RAD18: variants seen among roughly 807,000 people sequenced by gnomAD.
RAD18 encodes RAD18 E3 ubiquitin protein ligase.
Under a neutral mutation model 60.4 loss-of-function variants are expected in RAD18, and 47 were observed. That is an observed-to-expected ratio of 0.78 (90% CI 0.62 to 0.99). The LOEUF (loss-of-function observed/expected upper bound fraction) is 0.99. Ranked by LOEUF, RAD18 falls within the 50% of genes least tolerant of loss-of-function variation. The probability of loss-of-function intolerance (pLI) is 0.00; values close to 1 mark genes in which losing one functional copy is unlikely to be tolerated. For missense variants in RAD18, 640 were observed against 593.3 expected, an observed-to-expected ratio of 1.08 and a Z score of -0.82; for synonymous variants, 225 against 195.5, an observed-to-expected ratio of 1.15 and a Z score of -1.26.
intron 4 of RAD18, among the ~76,000 whole-genome samples, chr3:8,944,282 A>G (rs1431980935): frequency 1.3e-5 from 2 of 152,190 alleles, no homozygotes; most frequent in Middle Eastern, 3.2e-3. Flanking sequence ...TCTGTTAAAG[A>G]AACAGAAGCT....
intron 7 of RAD18, among the ~76,000 whole-genome samples, chr3:8,916,749 T>C (rs967078708): frequency 2.6e-5 from 4 of 151,488 alleles, no homozygotes; most frequent in African/African-American, 9.7e-5. Context: ...AAGGAAAGAA[T>C]CAGTGAACCT....
At chr3:8,902,655 C>G (rs1421171683) in intron 9 of RAD18, 135 bp from the exon 10 acceptor site, 2 of 837,374 alleles carry the variant, frequency 2.4e-6, no homozygotes, top group African/African-American at 1.8e-5. Flanking sequence ...ACTTCAGGAG[C>G]CTGAAGTGAA....
At chr3:8,948,431 C>A in intron 3 of RAD18, 78 bp downstream of exon 3, 1 of 1,291,948 alleles carries the variant, frequency 7.7e-7, no homozygotes, top group Non-Finnish European at 1.1e-6. Flanking sequence ...CCTATATATA[C>A]ACAGGCTTTT....
intron 4 of RAD18, among the ~76,000 whole-genome samples, chr3:8,943,641 A>T (rs147965554): frequency 0.013 from 1,992 of 152,200 alleles, 19 homozygotes; most frequent in Non-Finnish European, 0.02. Context: ...AGAATTTTCA[A>T]ATCTGATAGA....
chr3:8,933,652 C>A (rs577503892), intron 7 of RAD18, among the ~76,000 whole-genome samples: 22 of 152,218 alleles, frequency 1.4e-4, no homozygotes, highest in Non-Finnish European at 2.5e-4. Context: ...ATGTGTGAGA[C>A]CTTCACACTG....
chr3:8,879,413 C>G lies in RAD18; in HGVS notation c.*1944G>C, dbSNP rs915860719. ...AGTCATGTGCACACAGAGAAAAGAC[C>G]ATGCAAGGACACCATGAGTGGAAGC... On this transcript the variant is annotated 3_prime_UTR_variant, in exon 13 of 13. Transcript: ENST00000264926. 8 of 152,256 alleles carry G rather than the reference C, an allele frequency of 5.3e-5. No individual in the cohort carries two copies. Among genetic ancestry groups the G allele is most frequent in the African/African-American group, 1.9e-4 (8 of 41,450 alleles). The allele number at this position is 152,256 out of a possible 1,614,324, so 9.4% of individuals were successfully genotyped here. A position where few individuals can be genotyped will look rare whatever the true frequency, so the allele number is the denominator to read the frequency against.
intron 12 of RAD18, among the ~76,000 whole-genome samples, chr3:8,882,409 C>T (rs1377031526): frequency 2.0e-5 from 3 of 152,162 alleles, no homozygotes; most frequent in East Asian, 1.9e-4. Context: ...AGCTGATGAC[C>T]TTACACTGAC....
chr3:8,937,281 CTG>C (rs1157724316), intron 6 of RAD18, among the ~76,000 whole-genome samples: 1 of 152,148 alleles, frequency 6.6e-6, no homozygotes, highest in African/African-American at 2.4e-5. Context: ...GATGATTAAA[CTG>C]TGACTGTGAA....
chr3:8,889,851 T>G (rs1391241465), intron 12 of RAD18, among the ~76,000 whole-genome samples: 2 of 152,194 alleles, frequency 1.3e-5, no homozygotes, highest in Non-Finnish European at 2.9e-5. Context: ...GATTTGCATT[T>G]TGAAAAGATC....
chr3:8,922,652 T>A (rs1326182584), intron 7 of RAD18, among the ~76,000 whole-genome samples: 1 of 152,134 alleles, frequency 6.6e-6, no homozygotes, highest in African/African-American at 2.4e-5. Flanking sequence ...GTAGCCTAAC[T>A]GGGAGGCACC....
intron 9 of RAD18, among the ~76,000 whole-genome samples, chr3:8,907,259 G>A (rs1282504752): frequency 6.6e-6 from 1 of 152,186 alleles, no homozygotes; most frequent in Non-Finnish European, 1.5e-5. Flanking sequence ...CTTGAAAATT[G>A]CTATTTCATA....
rs77585226 is a variant in RAD18, at chr3:8,942,198, C to T, written c.267-394G>A. On this transcript the variant is annotated intron_variant, in intron 4 of 12. Coordinates refer to ENST00000264926, the MANE Select transcript of RAD18 (RefSeq NM_020165.4). The stretch of plus-strand genomic sequence containing the variant: ...GTGGAAGGTGACTGGATCATGAGGG[C>T]GAATTTCTCATGAATGGTTTAGCAC... Among the ~76,000 whole-genome samples the T allele has an allele frequency of 2.4e-3, 368 of 152,212 alleles. 1 individual carries two copies. The highest frequency in any genetic ancestry group is 7.9e-3 in the African/African-American group (326 of 41,528).
chr3:8,893,890 A>G (rs1939740892), intron 11 of RAD18, among the ~76,000 whole-genome samples: 1 of 151,772 alleles, frequency 6.6e-6, no homozygotes, highest in Non-Finnish European at 1.5e-5. Flanking sequence ...GCATCTCCCT[A>G]TGTTGCCCAG....
At chr3:8,928,029 T>C (rs1188706920) in intron 7 of RAD18, among the ~76,000 whole-genome samples, 1 of 144,734 alleles carries the variant, frequency 6.9e-6, no homozygotes, top group Non-Finnish European at 1.5e-5. Context: ...CTGCACGTTG[T>C]GCACATGTAC....
rs1013095670 is a variant in RAD18, at chr3:8,879,990, C to T, written c.*1367G>A. On this transcript the variant is annotated 3_prime_UTR_variant, in exon 13 of 13. Transcript: ENST00000264926. The stretch of plus-strand genomic sequence containing the variant: ...GACATAAATATATCCATGTGAGCTC[C>T]TATTTTGTTTGACATGCTCACTTAC... The T allele has an allele frequency of 6.6e-6, 1 of 152,162 alleles. No individual in the cohort carries two copies. The allele number at this position is 152,162 out of a possible 1,614,324, so 9.4% of individuals were successfully genotyped here.
intron 11 of RAD18, among the ~76,000 whole-genome samples, chr3:8,893,038 C>T (rs565222567): frequency 6.6e-6 from 1 of 152,302 alleles, no homozygotes; most frequent in Non-Finnish European, 1.5e-5. Flanking sequence ...AAATGTTCAA[C>T]AAATGTCAGT....
At chr3:8,898,855 G>A (rs2125050007) in intron 11 of RAD18, 39 bp downstream of exon 11, 1 of 1,468,346 alleles carries the variant, frequency 6.8e-7, no homozygotes, top group East Asian at 2.3e-5. Flanking sequence ...TGCATATGAA[G>A]TAGATATTTA....
Position 8,880,686 on chromosome 3 carries a change from G to A in RAD18, c.*671C>T, listed in dbSNP as rs982210091. ...ATACTGACACTAATCATTTTTAAGT[G>A]CTATTTCAGAAGAATATGCGCAATG... On this transcript the variant is annotated 3_prime_UTR_variant, in exon 13 of 13. Transcript: ENST00000264926. The A allele has an allele frequency of 6.6e-6, 1 of 152,214 alleles. No individual in the cohort carries two copies. Among genetic ancestry groups the A allele is most frequent in the Non-Finnish European group, 1.5e-5 (1 of 68,054 alleles). The allele number at this position is 152,214 out of a possible 1,614,324, so 9.4% of individuals were successfully genotyped here. A position where few individuals can be genotyped will look rare whatever the true frequency, so the allele number is the denominator to read the frequency against.
chr3:8,907,953 C>G (rs1940041276), intron 9 of RAD18, among the ~76,000 whole-genome samples: 2 of 152,166 alleles, frequency 1.3e-5, no homozygotes, highest in Admixed American at 6.5e-5. Context: ...GAGTGGCCAG[C>G]AGTGCGCTGA....
Sources: gnomAD v4.1 joint callset for allele counts (sites outside exome capture counted in the v4.1 genomes callset) on GRCh38, gnomAD v4.1.1 for gene constraint, MANE v1.5 for transcripts, NCBI Gene and HGNC (gene_info 2026-07-23, HGNC 2026-07-21) for gene names.